The following LRMDA variants were observed in gnomAD, a reference collection of about 807,000 sequenced individuals.
LRMDA encodes leucine-rich melanocyte differentiation-associated protein.
Under a neutral mutation model 29.8 loss-of-function variants are expected in LRMDA, and 18 were observed. The observed-to-expected ratio is 0.60, with a 90% CI of 0.42 to 0.90. LRMDA has a LOEUF of 0.90. Ranked by LOEUF, LRMDA falls within the 40% of genes least tolerant of loss-of-function variation. The pLI, the probability that LRMDA is intolerant of heterozygous loss-of-function variation, is 0.00. For missense variants in LRMDA, 273 were observed against 273.9 expected (o/e 1.00, Z 0.02); for synonymous variants, 125 against 109.4 (o/e 1.14, Z -0.89).
chr10:76,362,254 A>G (rs1052570904), intron 6 of LRMDA, among the ~76,000 whole-genome samples: 1 of 152,204 alleles, frequency 6.6e-6, no homozygotes, highest in African/African-American at 2.4e-5. Context: ...TGTGATCGTG[A>G]TTTTTGTAAG....
intron 2 of LRMDA, among the ~76,000 whole-genome samples, chr10:75,670,672 C>G (rs1841880479): frequency 6.6e-6 from 1 of 152,154 alleles, no homozygotes; most frequent in East Asian, 1.9e-4. Context: ...GGTTCTTTCT[C>G]TCTCCTTCCC....
intron 5 of LRMDA, among the ~76,000 whole-genome samples, chr10:76,257,701 T>C (rs1852622461): frequency 6.6e-6 from 1 of 152,236 alleles, no homozygotes; most frequent in Non-Finnish European, 1.5e-5. Context: ...TGAAAAAATA[T>C]GTAATTTAAT....
chr10:75,503,012 A>C (rs1348025731), intron 2 of LRMDA, among the ~76,000 whole-genome samples: 4 of 152,080 alleles, frequency 2.6e-5, no homozygotes, highest in African/African-American at 7.2e-5. Flanking sequence ...CCCTTCTCAC[A>C]CTGAACCTGA....
At chr10:75,636,396 A>G (rs1411866501) in intron 2 of LRMDA, among the ~76,000 whole-genome samples, 5 of 152,166 alleles carry the variant, frequency 3.3e-5, no homozygotes, top group Admixed American at 6.5e-5. Flanking sequence ...TCACTTTCCA[A>G]TGCCAAACAA....
intron 2 of LRMDA, among the ~76,000 whole-genome samples, chr10:75,668,303 A>T (rs1474489293): frequency 2.0e-5 from 3 of 152,074 alleles, no homozygotes; most frequent in South Asian, 2.1e-4. Context: ...CATAGTACAC[A>T]TTTCCTCTGT....
Position 75,709,919 on chromosome 10 carries a change from C to T in LRMDA, c.131+271425C>T, listed in dbSNP as rs552026071. On this transcript the variant is annotated intron_variant, in intron 2 of 6. Transcript: ENST00000611255. ...CTTCATTAGAGAAGTAGGGAATTTG[C>T]TTAGCTCATATCACATTGTACAGGC... 2.6e-5 allele frequency among the ~76,000 whole-genome samples: 4 copies of T among 152,306 alleles called. No individual in the cohort carries two copies. The East Asian group carries it at 7.7e-4, about 29-fold the overall frequency.
At chr10:75,823,514 C>T (rs1219332221) in intron 2 of LRMDA, among the ~76,000 whole-genome samples, 1 of 152,132 alleles carries the variant, frequency 6.6e-6, no homozygotes, top group Non-Finnish European at 1.5e-5. Flanking sequence ...CACTCATACA[C>T]CGTTGGTGGG....
intron 6 of LRMDA, among the ~76,000 whole-genome samples, chr10:76,480,184 G>T (rs1397781142): frequency 6.6e-6 from 1 of 151,852 alleles, no homozygotes; most frequent in Non-Finnish European, 1.5e-5. Flanking sequence ...CCTGAAATCC[G>T]TGAGTTTCTT....
chr10:76,042,937 T>C (rs1226422415), intron 3 of LRMDA, among the ~76,000 whole-genome samples: 1 of 152,138 alleles, frequency 6.6e-6, no homozygotes, highest in African/African-American at 2.4e-5. Flanking sequence ...AGGAGCTGTA[T>C]AAGATTTCAG....
At chr10:76,374,288 T>C (rs1841489522) in intron 6 of LRMDA, among the ~76,000 whole-genome samples, 1 of 152,194 alleles carries the variant, frequency 6.6e-6, no homozygotes, top group African/African-American at 2.4e-5. Flanking sequence ...ACTTTATGAA[T>C]ATTGTGACCA....
At position 75,958,770 on chromosome 10, in the gene LRMDA, T is replaced by C. The variant is rs145759392; in HGVS notation, c.132-77238T>C. On this transcript the variant is annotated intron_variant, in intron 2 of 6. Coordinates refer to ENST00000611255, the MANE Select transcript of LRMDA (RefSeq NM_001305581.2). Reference sequence around the variant, plus strand: ...TGATAAAGACATACCCGAGACTCGGTAATTTATAAAGAAAAAGAGGTTTAA... The same window carrying C: ...TGATAAAGACATACCCGAGACTCGGCAATTTATAAAGAAAAAGAGGTTTAA... Among the ~76,000 whole-genome samples, 690 of 152,224 alleles carry C rather than the reference T, an allele frequency of 4.5e-3. 1 individual carries two copies. The highest frequency in any genetic ancestry group is 0.037 in the Middle Eastern group (11 of 294).
intron 2 of LRMDA, among the ~76,000 whole-genome samples, chr10:75,531,837 G>T (rs994303266): frequency 5.9e-5 from 9 of 151,880 alleles, no homozygotes; most frequent in Admixed American, 2.0e-4. Context: ...ACTTTGTGGG[G>T]CTGAGGCAGA....
chr10:75,866,316 G>C (rs964631944), intron 2 of LRMDA, among the ~76,000 whole-genome samples: 1 of 152,194 alleles, frequency 6.6e-6, no homozygotes. Flanking sequence ...GGTGTTTGTG[G>C]GAGATGGGCA....
At chr10:75,928,122 C>T (rs960386898) in intron 2 of LRMDA, among the ~76,000 whole-genome samples, 23 of 151,936 alleles carry the variant, frequency 1.5e-4, no homozygotes, top group Non-Finnish European at 2.4e-4. Context: ...GAGCTTTGCA[C>T]GGTTGGCTAT....
At chr10:75,613,116 A>AT (rs5786181) in intron 2 of LRMDA, among the ~76,000 whole-genome samples, 75,400 of 148,584 alleles carry the variant, frequency 0.51, 21,371 homozygotes, top group Non-Finnish European at 0.64. Flanking sequence ...AACCTTGCCA[A>AT]TTTTTTTTTT....
chr10:75,516,593 G>C (rs1267005996), intron 2 of LRMDA, among the ~76,000 whole-genome samples: 1 of 152,006 alleles, frequency 6.6e-6, no homozygotes, highest in African/African-American at 2.4e-5. Context: ...GTAGGTTCTG[G>C]ATATTAGCCC....
chr10:75,706,630 G>A (rs1161568730), intron 2 of LRMDA, among the ~76,000 whole-genome samples: 2 of 152,068 alleles, frequency 1.3e-5, no homozygotes, highest in East Asian at 1.9e-4. Context: ...ACAGAATGAG[G>A]ATTGGCATCT....
chr10:75,675,579 CT>C (rs1344322908), intron 2 of LRMDA, among the ~76,000 whole-genome samples: 1 of 152,120 alleles, frequency 6.6e-6, no homozygotes, highest in Non-Finnish European at 1.5e-5. Context: ...GAAGCTAGGT[CT>C]TTTTTGTGGA....
Position 76,147,330 on chromosome 10 carries a change from C to T in LRMDA, c.516+88547C>T, listed in dbSNP as rs894877720. ...GTCACTTTCAGGTACACCAATCAGA[C>T]GTAGATTTGGTCTTTTCACATAGTC... On this transcript the variant is annotated intron_variant, in intron 5 of 6. Coordinates refer to ENST00000611255, the MANE Select transcript of LRMDA (RefSeq NM_001305581.2). Among the ~76,000 whole-genome samples the T allele has an allele frequency of 1.4e-4, 22 of 152,178 alleles. No homozygotes were observed. The East Asian group carries it at 2.3e-3, about 16-fold the overall frequency.
Sources: gnomAD v4.1 joint callset for allele counts (sites outside exome capture counted in the v4.1 genomes callset) on GRCh38, gnomAD v4.1.1 for gene constraint, MANE v1.5 for transcripts, NCBI Gene and HGNC (gene_info 2026-07-23, HGNC 2026-07-21) for gene names.